The following SMAP1 variants were observed in gnomAD, a reference collection of about 807,000 sequenced individuals.
The protein encoded by SMAP1 is small ArfGAP 1, also known as stromal membrane-associated protein 1.
In SMAP1, 24 loss-of-function variants were observed where a neutral mutation model predicts 58.5. The ratio of observed to expected loss-of-function variants is 0.41; its 90% confidence interval spans 0.30 to 0.58. SMAP1 has a LOEUF of 0.58. SMAP1 is among the 20% of genes least tolerant of loss of function. The probability of loss-of-function intolerance (pLI) is 0.29; values close to 1 mark genes in which losing one functional copy is unlikely to be tolerated. For missense variants in SMAP1, 563 were observed against 566.3 expected, an observed-to-expected ratio of 0.99 and a Z score of 0.06; for synonymous variants, 216 against 196.6, an observed-to-expected ratio of 1.10 and a Z score of -0.82.
At chr6:70,720,730 C>T (rs2149846632) in intron 1 of SMAP1, among the ~76,000 whole-genome samples, 1 of 152,226 alleles carries the variant, frequency 6.6e-6, no homozygotes, top group African/African-American at 2.4e-5. Flanking sequence ...TTGGGGCTTC[C>T]ACCCTCTGAA....
intron 4 of SMAP1, among the ~76,000 whole-genome samples, chr6:70,774,138 T>C (rs933181018): frequency 2.0e-5 from 3 of 152,202 alleles, no homozygotes; most frequent in Admixed American, 1.3e-4. Context: ...CCTAAGTATG[T>C]AGTAGGTTGT....
chr6:70,795,031 C>T (rs1768544687), intron 5 of SMAP1, among the ~76,000 whole-genome samples: 1 of 152,054 alleles, frequency 6.6e-6, no homozygotes, highest in Non-Finnish European at 1.5e-5. Flanking sequence ...CTCATTGCCA[C>T]ATTTTCTTAA....
At position 70,837,830 on chromosome 6, in the gene SMAP1, G is replaced by A. The variant is rs774794957; in HGVS notation, c.664+802G>A. 14 of 1,275,458 alleles carry A rather than the reference G, an allele frequency of 1.1e-5. No homozygotes were observed. The East Asian group carries it at 2.4e-4, about 22-fold the overall frequency. 79.0% of individuals were successfully genotyped at this position (1,275,458 alleles called of 1,614,324 possible). ...AGAGTGAAAGGCAGTTAGTTGAAGT[G>A]GAAGAGTTGACCTTCATGTACTGCT... On this transcript the variant is annotated intron_variant, in intron 7 of 10. Coordinates refer to ENST00000370455, the MANE Select transcript of SMAP1 (RefSeq NM_001044305.3).
intron 6 of SMAP1, among the ~76,000 whole-genome samples, chr6:70,805,424 A>G (rs960161374): frequency 2.0e-5 from 3 of 152,094 alleles, no homozygotes; most frequent in African/African-American, 4.8e-5. Flanking sequence ...GAGGTTTTTA[A>G]CTTCCTTGCG....
At chr6:70,793,572 C>T (rs958364852) in intron 5 of SMAP1, among the ~76,000 whole-genome samples, 10 of 150,292 alleles carry the variant, frequency 6.7e-5, no homozygotes, top group African/African-American at 2.5e-4. Flanking sequence ...CACTGTGGAA[C>T]ATTGAGGTGT....
intron 4 of SMAP1, among the ~76,000 whole-genome samples, chr6:70,784,142 A>G (rs1047678452): frequency 1.3e-5 from 2 of 152,246 alleles, no homozygotes; most frequent in Admixed American, 6.5e-5. Context: ...AGTGGGGGCC[A>G]ATATTCAGCA....
chr6:70,691,331 G>A (rs1302775676), intron 1 of SMAP1, among the ~76,000 whole-genome samples: 2 of 151,914 alleles, frequency 1.3e-5, no homozygotes, highest in African/African-American at 4.8e-5. Context: ...ACATATAATA[G>A]TAGGTGGATA....
chr6:70,804,261 A>T (rs1769012090), intron 6 of SMAP1, among the ~76,000 whole-genome samples: 1 of 148,408 alleles, frequency 6.7e-6, no homozygotes, highest in African/African-American at 2.5e-5. Flanking sequence ...GTCTCTTTTG[A>T]TCTTTGTTCG....
At chr6:70,718,349 A>T (rs1256594391) in intron 1 of SMAP1, among the ~76,000 whole-genome samples, 1 of 152,188 alleles carries the variant, frequency 6.6e-6, no homozygotes, top group Non-Finnish European at 1.5e-5. Flanking sequence ...GGTTAAGGAT[A>T]ATGAAAGAAA....
intron 3 of SMAP1, among the ~76,000 whole-genome samples, chr6:70,758,039 T>C (rs1167323691): frequency 6.6e-6 from 1 of 152,086 alleles, no homozygotes; most frequent in South Asian, 2.1e-4. Context: ...CAAAGGACTA[T>C]AAATCTTGCT....
chr6:70,718,267 A>G (rs908751346), intron 1 of SMAP1, among the ~76,000 whole-genome samples: 3 of 152,226 alleles, frequency 2.0e-5, no homozygotes, highest in African/African-American at 7.2e-5. Flanking sequence ...GCAGAGGTCC[A>G]GCTGGGATGA....
chr6:70,708,411 G>A (rs1294069878), intron 1 of SMAP1, among the ~76,000 whole-genome samples: 2 of 152,076 alleles, frequency 1.3e-5, no homozygotes, highest in Non-Finnish European at 2.9e-5. Context: ...TAACTATTGG[G>A]AAAAAATGCT....
chr6:70,800,267 A>T (rs938621227), intron 6 of SMAP1, among the ~76,000 whole-genome samples: 3 of 152,090 alleles, frequency 2.0e-5, no homozygotes, highest in African/African-American at 7.2e-5. Flanking sequence ...GCACTCCAGC[A>T]TGGGTAACAC....
chr6:70,715,275 G>T (rs767964409), intron 1 of SMAP1, among the ~76,000 whole-genome samples: 14 of 151,640 alleles, frequency 9.2e-5, no homozygotes, highest in African/African-American at 1.5e-4. Context: ...TTTGTATTTT[G>T]TGTGGAGACA....
chr6:70,757,897 T>C (rs1442696967), intron 3 of SMAP1, among the ~76,000 whole-genome samples: 6 of 151,516 alleles, frequency 4.0e-5, no homozygotes, highest in Admixed American at 6.6e-5. Context: ...TGTGGAGAAA[T>C]AGGAACACTT....
intron 7 of SMAP1, among the ~76,000 whole-genome samples, chr6:70,849,262 C>T (rs768908294): frequency 1.8e-4 from 27 of 152,166 alleles, no homozygotes; most frequent in African/African-American, 5.1e-4. Flanking sequence ...CAGGTGCTTC[C>T]TCTGTCTCAT....
intron 8 of SMAP1, among the ~76,000 whole-genome samples, chr6:70,856,312 A>G: frequency 6.6e-6 from 1 of 152,222 alleles, no homozygotes; most frequent in East Asian, 1.9e-4. Flanking sequence ...TTCAGACAAT[A>G]GATGGTCAAA....
intron 1 of SMAP1, among the ~76,000 whole-genome samples, chr6:70,725,096 T>G (rs1335969373): frequency 2.2e-4 from 1 of 4,638 alleles, no homozygotes; most frequent in African/African-American, 1.4e-3. Context: ...AACCAGTGTT[T>G]TTTTTTTTTT....
At position 70,721,097 on chromosome 6, in the gene SMAP1, C is replaced by A. The variant is rs187065864; in HGVS notation, c.119-11281C>A. On this transcript the variant is annotated intron_variant, in intron 1 of 10. Transcript: ENST00000370455. ...GGCTCCTTGCTACTTATGCAAATTTCTGCAGCCGGCTTGAATTTCTCCCTA... is the reference window on the plus strand; with the variant it reads ...GGCTCCTTGCTACTTATGCAAATTTATGCAGCCGGCTTGAATTTCTCCCTA... 1.8e-4 allele frequency among the ~76,000 whole-genome samples: 27 copies of A among 152,318 alleles called. 1 individual carries two copies. The highest frequency in any genetic ancestry group is 6.5e-4 in the African/African-American group (27 of 41,578).
Sources: allele counts gnomAD v4.1 joint callset (sites outside exome capture counted in the v4.1 genomes callset), GRCh38; gene constraint gnomAD v4.1.1; transcripts MANE v1.5; gene names NCBI Gene and HGNC (gene_info 2026-07-23, HGNC 2026-07-21).